The following PPIL2 variants were observed in gnomAD, a reference collection of about 807,000 sequenced individuals.
The protein encoded by PPIL2 is RING-type E3 ubiquitin-protein ligase PPIL2.
Under a neutral mutation model 75.2 loss-of-function variants are expected in PPIL2, and 50 were observed. The ratio of observed to expected loss-of-function variants is 0.66; its 90% CI spans 0.53 to 0.84. The LOEUF (loss-of-function observed/expected upper bound fraction) is 0.84. Ranked by LOEUF, PPIL2 falls within the 40% of genes least tolerant of loss-of-function variation. The pLI, the probability that PPIL2 is intolerant of heterozygous loss-of-function variation, is 0.00. For synonymous variants in PPIL2, 245 were observed against 258.8 expected (o/e 0.95, Z 0.51); for missense variants, 590 against 685.0 (o/e 0.86, Z 1.55).
intron 5 of PPIL2, chr22:21,673,466 G>C (rs915145229): frequency 6.6e-6 from 1 of 152,350 alleles, no homozygotes; most frequent in Admixed American, 6.5e-5. Context: ...CTGTCATTTG[G>C]TTGCAGCTGG....
intron 19 of PPIL2, 69 bp downstream of exon 19, chr22:21,695,139 C>G: frequency 6.7e-7 from 1 of 1,489,566 alleles, no homozygotes; most frequent in East Asian, 2.4e-5. Flanking sequence ...GTCTGAGGGT[C>G]AGACCCAGAG....
intron 6 of PPIL2, among the ~76,000 whole-genome samples, chr22:21,677,146 G>A (rs1383487044): frequency 3.3e-5 from 5 of 151,696 alleles, no homozygotes; most frequent in African/African-American, 7.3e-5. Context: ...GGCGGCTGCC[G>A]GGCGGAGGGG....
chr22:21,672,930 G>C (rs906218117), intron 5 of PPIL2, among the ~76,000 whole-genome samples: 1 of 152,182 alleles, frequency 6.6e-6, no homozygotes, highest in Non-Finnish European at 1.5e-5. Context: ...CCTCCCTACC[G>C]GGCCAGCAGG....
intron 10 of PPIL2, chr22:21,685,662 G>A (rs1365292255): frequency 2.2e-6 from 1 of 452,086 alleles, no homozygotes. Context: ...GTCTAAGCTG[G>A]TCTTGAATTC....
At chr22:21,672,112 C>T (rs566312218) in intron 4 of PPIL2, among the ~76,000 whole-genome samples, 22 of 152,310 alleles carry the variant, frequency 1.4e-4, no homozygotes, top group East Asian at 1.2e-3. Context: ...GTTGTTTATA[C>T]ATAACTACAG....
intron 15 of PPIL2, among the ~76,000 whole-genome samples, chr22:21,692,357 T>C (rs973047024): frequency 6.6e-6 from 1 of 151,356 alleles, no homozygotes; most frequent in African/African-American, 2.4e-5. Flanking sequence ...GGTTTCACCG[T>C]GTTAGCGAGG....
intron 5 of PPIL2, among the ~76,000 whole-genome samples, chr22:21,673,835 G>T (rs3788329): frequency 0.3 from 45,908 of 152,030 alleles, 7,187 homozygotes; most frequent in Non-Finnish European, 0.35. Flanking sequence ...ACTTTTGGGG[G>T]CTCAGGAGGA....
At chr22:21,687,114 T>C (rs1601572590) in intron 12 of PPIL2, 116 bp downstream of exon 12, 1 of 1,023,018 alleles carries the variant, frequency 9.8e-7, no homozygotes, top group East Asian at 2.5e-5. Context: ...AAATTCAGCC[T>C]GTCACTAGGC....
intron 15 of PPIL2, among the ~76,000 whole-genome samples, chr22:21,691,664 G>A (rs2067644823): frequency 6.6e-6 from 1 of 151,740 alleles, no homozygotes; most frequent in African/African-American, 2.4e-5. Flanking sequence ...CTCCAGCCTG[G>A]GTGACAGAGC....
At chr22:21,678,596 CT>C (rs2066974373) in intron 6 of PPIL2, among the ~76,000 whole-genome samples, 1 of 152,108 alleles carries the variant, frequency 6.6e-6, no homozygotes, top group South Asian at 2.1e-4. Flanking sequence ...TACGCCTCCC[CT>C]GTGCCCATCA....
chr22:21,693,041 C>T (rs2067748735), intron 15 of PPIL2, among the ~76,000 whole-genome samples: 1 of 151,896 alleles, frequency 6.6e-6, no homozygotes, highest in East Asian at 1.9e-4. Context: ...TTAATTCCAC[C>T]CCATTTCCTT....
chr22:21,694,927 TGTG>T lies in PPIL2; in HGVS notation c.1333-9_1333-7del, dbSNP rs1454712157. The T allele has an allele frequency of 6.2e-7, 1 of 1,612,504 alleles. No homozygotes were observed. Among genetic ancestry groups the T allele is most frequent in the Admixed American group, 1.7e-5 (1 of 59,760 alleles). ...TGCTGCCGGTTAGCCAGCGCCCTGTTGTGCCACAGATTGCGCAGGAGCGGAAGA... is the reference window on the plus strand; with the variant it reads ...TGCTGCCGGTTAGCCAGCGCCCTGTTCCACAGATTGCGCAGGAGCGGAAGA... On this transcript the variant is annotated splice_region_variant and splice_polypyrimidine_tract_variant and intron_variant, in intron 18 of 19. Transcript: ENST00000398831.
Position 21,694,010 on chromosome 22 carries a change from A to G in PPIL2, c.1196+138A>G, listed in dbSNP as rs962779182. On this transcript the variant is annotated intron_variant, in intron 16 of 19. Coordinates refer to ENST00000398831, the MANE Select transcript of PPIL2 (RefSeq NM_014337.4). The stretch of plus-strand genomic sequence containing the variant: ...GCCATCACTGCTGGGGGTTGAGGCT[A>G]TGCAGAGCTGCGATGGAGGGTGCTC... The G allele has an allele frequency of 1.1e-5, 11 of 969,022 alleles. No individual in the cohort carries two copies. The African/African-American group carries it at 1.3e-4, about 11-fold the overall frequency. The allele number at this position is 969,022 out of a possible 1,614,324, so 60.0% of individuals were successfully genotyped here. A position where few individuals can be genotyped will look rare whatever the true frequency, so the allele number is the denominator to read the frequency against.
intron 1 of PPIL2, among the ~76,000 whole-genome samples, chr22:21,667,083 C>T (rs1371466465): frequency 6.6e-6 from 1 of 151,398 alleles, no homozygotes; most frequent in Admixed American, 6.6e-5. Flanking sequence ...CTCTCGACTT[C>T]AGCGGCCTCT....
In PPIL2 at chr22:21,672,485, C is replaced by T. The variant is rs57234214; in HGVS notation, c.243+104C>T. ...TGAACACAGGAACATGGGAGAGAAC[C>T]GTTCATGGGGCCCAGTGAGGAGGGA... On this transcript the variant is annotated intron_variant, in intron 5 of 19. Transcript: ENST00000398831. The T allele has an allele frequency of 1.8e-3, 2,146 of 1,177,594 alleles. 30 individuals are homozygous for T. In the African/African-American group the frequency reaches 0.029, roughly 16 times the overall value. 72.9% of individuals were successfully genotyped at this position (1,177,594 alleles called of 1,614,324 possible).
In PPIL2 at chr22:21,673,895, G is replaced by A. The variant is rs567698060; in HGVS notation, c.244-1169G>A. 2.0e-5 allele frequency among the ~76,000 whole-genome samples: 3 copies of A among 152,182 alleles called. No homozygotes were observed. In the South Asian group the frequency reaches 6.2e-4, roughly 32 times the overall value. On this transcript the variant is annotated intron_variant, in intron 5 of 19. Transcript: ENST00000398831. ...TGCTCAGGTCCTGTGTCTGAATAGG[G>A]ACCCTGCTGGCCCTCTGGTGGTCTC...
chr22:21,667,021 C>T (rs1231887368), intron 1 of PPIL2, among the ~76,000 whole-genome samples: 1 of 152,006 alleles, frequency 6.6e-6, no homozygotes, highest in Non-Finnish European at 1.5e-5. Flanking sequence ...TGACCACTCC[C>T]TCTTTCTGAA....
chr22:21,666,197 C>T (rs757057791), intron 1 of PPIL2, 66 bp downstream of exon 1: 106 of 1,521,974 alleles, frequency 7.0e-5, no homozygotes, highest in Non-Finnish European at 8.7e-5. Context: ...TCCCGCACTG[C>T]GCGCCGCTCG....
rs115055929 is a variant in PPIL2 at position 21,681,095 on chromosome 22, A to G, written c.296-204A>G. On this transcript the variant is annotated intron_variant, in intron 6 of 19. Transcript: ENST00000398831. ...GCCGGGATTGGGTCTTGCAGGATGA[A>G]TAGGAGTTTCCTAACGGTGTGGAAG... 4.2e-3 allele frequency among the ~76,000 whole-genome samples: 644 copies of G among 152,246 alleles called. 6 individuals carry two copies. Among genetic ancestry groups the G allele is most frequent in the African/African-American group, 0.015 (610 of 41,548 alleles).
Sources: allele counts gnomAD v4.1 joint callset (sites outside exome capture counted in the v4.1 genomes callset), GRCh38; gene constraint gnomAD v4.1.1; transcripts MANE v1.5; gene names NCBI Gene and HGNC (gene_info 2026-07-23, HGNC 2026-07-21).